PLXDC2: variants seen among roughly 807,000 people sequenced by gnomAD.
PLXDC2 encodes the protein plexin domain-containing protein 2.
A neutral mutation model predicts 68.9 loss-of-function variants in PLXDC2; 40 were observed. The ratio of observed to expected loss-of-function variants is 0.58; its 90% CI spans 0.45 to 0.76. The LOEUF is 0.76. Ranked by LOEUF, PLXDC2 falls within the 30% of genes least tolerant of loss-of-function variation. PLXDC2 has a pLI of 0.00. For synonymous variants in PLXDC2, 243 were observed against 234.2 expected (o/e 1.04, Z -0.34); for missense variants, 644 against 661.9 (o/e 0.97, Z 0.30).
At chr10:20,070,162 G>T (rs1836291377) in intron 4 of PLXDC2, among the ~76,000 whole-genome samples, 1 of 152,018 alleles carries the variant, frequency 6.6e-6, no homozygotes, top group African/African-American at 2.4e-5. Flanking sequence ...AAGTAGGTTG[G>T]GACAATTTTA....
chr10:20,238,687 A>ATGTG (rs1835471315), intron 12 of PLXDC2, among the ~76,000 whole-genome samples: 3 of 101,670 alleles, frequency 3.0e-5, no homozygotes, highest in Non-Finnish European at 6.2e-5. Context: ...GTATATATAT[A>ATGTG]TATATACACA....
chr10:20,223,550 T>A (rs1025246142), intron 12 of PLXDC2, among the ~76,000 whole-genome samples: 12 of 152,044 alleles, frequency 7.9e-5, no homozygotes, highest in African/African-American at 2.9e-4. Context: ...TGACCTCAGG[T>A]GATCCACCTG....
chr10:20,193,966 G>A (rs942734745), intron 9 of PLXDC2, among the ~76,000 whole-genome samples: 25 of 152,062 alleles, frequency 1.6e-4, no homozygotes, highest in African/African-American at 4.8e-4. Flanking sequence ...CTTTAAAGTG[G>A]AATGAATTTA....
At chr10:20,234,057 C>G (rs973744025) in intron 12 of PLXDC2, among the ~76,000 whole-genome samples, 1 of 151,782 alleles carries the variant, frequency 6.6e-6, no homozygotes, top group African/African-American at 2.4e-5. Context: ...AAACTCCTGG[C>G]CTCAACTGAT....
At chr10:19,878,846 G>C (rs1409359207) in intron 1 of PLXDC2, among the ~76,000 whole-genome samples, 2 of 152,008 alleles carry the variant, frequency 1.3e-5, no homozygotes, top group Admixed American at 6.6e-5. Context: ...GCTTTTTCTG[G>C]GTGTCATAGT....
At chr10:20,031,532 A>G (rs1188263381) in intron 2 of PLXDC2, among the ~76,000 whole-genome samples, 1 of 152,160 alleles carries the variant, frequency 6.6e-6, no homozygotes. Flanking sequence ...CTCTGTTGGT[A>G]GTCTACTGCT....
intron 10 of PLXDC2, 40 bp from the exon 11 acceptor site, chr10:20,217,386 T>G: frequency 6.5e-7 from 1 of 1,547,804 alleles, no homozygotes; most frequent in African/African-American, 1.4e-5. Flanking sequence ...AATAGATTTG[T>G]GATCACTCCA....
chr10:20,109,516 C>T (rs1181798401), intron 4 of PLXDC2, among the ~76,000 whole-genome samples: 9 of 152,246 alleles, frequency 5.9e-5, no homozygotes, highest in Admixed American at 3.3e-4. Flanking sequence ...ACTCATTATA[C>T]CAGAGTCTTT....
intron 2 of PLXDC2, among the ~76,000 whole-genome samples, chr10:20,005,112 C>T (rs541917344): frequency 1.9e-4 from 29 of 152,296 alleles, no homozygotes; most frequent in African/African-American, 7.0e-4. Context: ...TGCTGGTATT[C>T]AAATGCAAGC....
intron 3 of PLXDC2, among the ~76,000 whole-genome samples, chr10:20,054,554 G>A (rs11818553): frequency 0.016 from 2,500 of 152,096 alleles, 66 homozygotes; most frequent in African/African-American, 0.057. Context: ...TCCTTTGTAG[G>A]GACGTGGATG....
intron 3 of PLXDC2, among the ~76,000 whole-genome samples, chr10:20,047,575 C>G (rs1564295481): frequency 6.6e-6 from 1 of 152,082 alleles, no homozygotes; most frequent in Admixed American, 6.6e-5. Flanking sequence ...CTAAGTGTGT[C>G]TCCTGAAATA....
At chr10:20,036,941 C>G (rs1835588389) in intron 2 of PLXDC2, among the ~76,000 whole-genome samples, 1 of 152,172 alleles carries the variant, frequency 6.6e-6, no homozygotes, top group Admixed American at 6.6e-5. Flanking sequence ...GCTACCTGTA[C>G]TAGGTATTCA....
chr10:20,142,555 A>G (rs1038304160), intron 4 of PLXDC2, among the ~76,000 whole-genome samples: 3 of 152,110 alleles, frequency 2.0e-5, no homozygotes, highest in Non-Finnish European at 4.4e-5. Flanking sequence ...CATAGGAGCT[A>G]TTGAAAGTTA....
intron 4 of PLXDC2, among the ~76,000 whole-genome samples, chr10:20,105,386 A>G (rs1437395376): frequency 6.6e-6 from 1 of 152,252 alleles, no homozygotes; most frequent in Admixed American, 6.5e-5. Context: ...ATGATTTACA[A>G]CTAGTGGTAA....
chr10:20,284,137 T>C lies in PLXDC2; in HGVS notation c.*4318T>C, dbSNP rs1267752275. ...AATTGAAAACTAGATTATCTGGTTCTAATTTCTTCCTCCTGTGAAATGTTC... is the reference window on the plus strand; with the variant it reads ...AATTGAAAACTAGATTATCTGGTTCCAATTTCTTCCTCCTGTGAAATGTTC... On this transcript the variant is annotated 3_prime_UTR_variant, in exon 14 of 14. Transcript: ENST00000377252. The C allele has an allele frequency of 1.3e-5, 2 of 151,922 alleles. No individual in the cohort carries two copies. The highest frequency in any genetic ancestry group is 2.9e-5 in the Non-Finnish European group (2 of 68,004). 9.4% of individuals were successfully genotyped at this position (151,922 alleles called of 1,614,324 possible). A position where few individuals can be genotyped will look rare whatever the true frequency, so the allele number is the denominator to read the frequency against.
chr10:20,092,834 C>T (rs759222311), intron 4 of PLXDC2, among the ~76,000 whole-genome samples: 8 of 151,726 alleles, frequency 5.3e-5, no homozygotes, highest in Non-Finnish European at 1.0e-4. Context: ...GCAATGCAAC[C>T]ACGGGGAAAG....
At chr10:20,185,240 G>A (rs1049149492) in intron 9 of PLXDC2, among the ~76,000 whole-genome samples, 6 of 145,682 alleles carry the variant, frequency 4.1e-5, no homozygotes, top group African/African-American at 1.5e-4. Context: ...ACAACTTTAT[G>A]TAGGGTCAAC....
At position 19,934,996 on chromosome 10, in the gene PLXDC2, C is replaced by A. The variant is rs547791899; in HGVS notation, c.113-66779C>A. 1.7e-4 allele frequency among the ~76,000 whole-genome samples: 26 copies of A among 152,276 alleles called. 1 individual carries two copies. Among genetic ancestry groups the A allele is most frequent in the African/African-American group, 5.3e-4 (22 of 41,550 alleles). The stretch of plus-strand genomic sequence containing the variant: ...GCATCAATGCCGGCCTTGATAATGC[C>A]CCAGGGCTGCCCCTTTTCCAGAAAA... On this transcript the variant is annotated intron_variant, in intron 1 of 13. Coordinates refer to ENST00000377252, the MANE Select transcript of PLXDC2 (RefSeq NM_032812.9).
At chr10:20,097,395 G>A (rs993248215) in intron 4 of PLXDC2, among the ~76,000 whole-genome samples, 2 of 151,964 alleles carry the variant, frequency 1.3e-5, no homozygotes, top group African/African-American at 4.8e-5. Context: ...ACCAATATTC[G>A]GTCAGCCCTC....
Sources: allele counts gnomAD v4.1 joint callset (sites outside exome capture counted in the v4.1 genomes callset), GRCh38; gene constraint gnomAD v4.1.1; transcripts MANE v1.5; gene names NCBI Gene and HGNC (gene_info 2026-07-23, HGNC 2026-07-21).